Variants in CDYL2 observed in about 807,000 individuals in gnomAD.
CDYL2 encodes chromodomain Y like 2.
A neutral mutation model predicts 49.4 loss-of-function variants in CDYL2; 23 were observed. The ratio of observed to expected loss-of-function variants is 0.47; its 90% CI spans 0.34 to 0.66. The LOEUF (loss-of-function observed/expected upper bound fraction) is 0.66. Ranked by LOEUF, CDYL2 falls within the 30% of genes least tolerant of loss-of-function variation. The pLI is 0.01. For missense variants in CDYL2, 678 were observed against 656.4 expected, an observed-to-expected ratio of 1.03 and a Z score of -0.36; for synonymous variants, 360 against 268.8, an observed-to-expected ratio of 1.34 and a Z score of -3.32.
chr16:80,763,592 A>C (rs1306805253), intron 1 of CDYL2, among the ~76,000 whole-genome samples: 3 of 151,912 alleles, frequency 2.0e-5, no homozygotes, highest in Non-Finnish European at 4.4e-5. Context: ...AGCCTGGGTA[A>C]CAGAGCAAGA....
At chr16:80,692,365 A>T (rs1161727863) in intron 1 of CDYL2, among the ~76,000 whole-genome samples, 1 of 152,178 alleles carries the variant, frequency 6.6e-6, no homozygotes, top group East Asian at 1.9e-4. Flanking sequence ...AATATTCTGA[A>T]CTCAAGAATT....
At chr16:80,788,592 C>G (rs979461851) in intron 1 of CDYL2, among the ~76,000 whole-genome samples, 10 of 152,126 alleles carry the variant, frequency 6.6e-5, no homozygotes, top group African/African-American at 2.4e-4. Flanking sequence ...TATCATCTAC[C>G]AACAAAAGGA....
rs1361657202 is a variant in CDYL2 at position 80,597,918 on chromosome 16, T to A, written c.*6470A>T. ...AGCAAATGCAGACGAAGTTTCAACC[T>A]TTTTATTCAAAGCAGCTTCTCACAA... On this transcript the variant is annotated 3_prime_UTR_variant, in exon 7 of 7. Coordinates refer to ENST00000570137, the MANE Select transcript of CDYL2 (RefSeq NM_152342.4). The A allele has an allele frequency of 1.3e-5, 2 of 152,192 alleles. No individual in the cohort carries two copies. 9.4% of individuals were successfully genotyped at this position (152,192 alleles called of 1,614,324 possible).
At position 80,612,386 on chromosome 16, in the gene CDYL2, G is replaced by A. The variant is rs776235133; in HGVS notation, c.1218+240C>T. Among the ~76,000 whole-genome samples the A allele has an allele frequency of 2.0e-5, 3 of 152,178 alleles. No individual in the cohort carries two copies. The highest frequency in any genetic ancestry group is 4.1e-4 in the South Asian group (2 of 4,824). On this transcript the variant is annotated intron_variant, in intron 5 of 6. Transcript: ENST00000570137. The surrounding 1 kb of genome is among the most constrained non-coding windows in gnomAD (Gnocchi z 5.0). Reference sequence around the variant, plus strand: ...CAATCCTAAGACACGCCTTCAGGGGGTTGGAGTGAGGAATAATTGAGACGC... The same window carrying A: ...CAATCCTAAGACACGCCTTCAGGGGATTGGAGTGAGGAATAATTGAGACGC...
chr16:80,790,920 G>T (rs1907589356), intron 1 of CDYL2, among the ~76,000 whole-genome samples: 1 of 152,326 alleles, frequency 6.6e-6, no homozygotes, highest in African/African-American at 2.4e-5. Flanking sequence ...TACAGTCTCT[G>T]TCTCATGTCC....
intron 2 of CDYL2, among the ~76,000 whole-genome samples, chr16:80,660,085 C>G (rs147832536): frequency 2.6e-5 from 4 of 151,856 alleles, no homozygotes; most frequent in African/African-American, 9.7e-5. Flanking sequence ...CAATTTTATA[C>G]CCAGCTAAAG....
intron 3 of CDYL2, 21 bp downstream of exon 3, chr16:80,632,998 C>G: frequency 1.9e-6 from 3 of 1,608,144 alleles, no homozygotes; most frequent in Non-Finnish European, 1.7e-6. Context: ...CTTGCCCTTC[C>G]CTCTGGCCGC....
At chr16:80,661,332 C>A (rs1048857001) in intron 2 of CDYL2, among the ~76,000 whole-genome samples, 1 of 152,180 alleles carries the variant, frequency 6.6e-6, no homozygotes, top group Non-Finnish European at 1.5e-5. Context: ...GTGATCTACA[C>A]CTGCCCCCAC....
chr16:80,752,993 G>C (rs895121267), intron 1 of CDYL2, among the ~76,000 whole-genome samples: 1 of 152,182 alleles, frequency 6.6e-6, no homozygotes, highest in African/African-American at 2.4e-5. Context: ...ATGAACATTT[G>C]TTGTGCTAAA....
chr16:80,703,676 AG>A (rs1177158849), intron 1 of CDYL2, among the ~76,000 whole-genome samples: 1 of 152,142 alleles, frequency 6.6e-6, no homozygotes, highest in African/African-American at 2.4e-5. Flanking sequence ...CAAGTGACCC[AG>A]CCCCTCCCAG....
At chr16:80,785,994 T>G (rs898431134) in intron 1 of CDYL2, among the ~76,000 whole-genome samples, 1 of 152,192 alleles carries the variant, frequency 6.6e-6, no homozygotes, top group Non-Finnish European at 1.5e-5. Flanking sequence ...ATGTAAGACC[T>G]AGGACCATAA....
At chr16:80,699,868 A>AAT (rs1904291822) in intron 1 of CDYL2, among the ~76,000 whole-genome samples, 1 of 144,344 alleles carries the variant, frequency 6.9e-6, no homozygotes, top group African/African-American at 2.6e-5. Flanking sequence ...GACCAAAACA[A>AAT]TTTTTTTTTT....
intron 1 of CDYL2, among the ~76,000 whole-genome samples, chr16:80,698,242 C>G (rs529429341): frequency 8.0e-4 from 122 of 152,148 alleles, no homozygotes; most frequent in African/African-American, 2.8e-3. Flanking sequence ...GCAACAAAAG[C>G]AAAAACAGAC....
At chr16:80,748,506 TAAAAAAAAAAAAAAAAAAAAA>T (rs538432449) in intron 1 of CDYL2, among the ~76,000 whole-genome samples, 986 of 19,272 alleles carry the variant, frequency 0.051, 30 homozygotes, top group South Asian at 0.12. Flanking sequence ...AAAACTCCAT[TAAAAAAAAAAAAAAAAAAAAA>T]AAAAAAAAAA....
chr16:80,731,938 C>T (rs1905340693), intron 1 of CDYL2, among the ~76,000 whole-genome samples: 1 of 151,502 alleles, frequency 6.6e-6, no homozygotes, highest in South Asian at 2.1e-4. Flanking sequence ...CAAAAGATCC[C>T]CAAGCTGATG....
At chr16:80,640,281 G>C (rs1350213696) in intron 2 of CDYL2, among the ~76,000 whole-genome samples, 1 of 152,162 alleles carries the variant, frequency 6.6e-6, no homozygotes, top group Admixed American at 6.5e-5. Flanking sequence ...TAACAGCTCA[G>C]TCACAGCAGG....
At chr16:80,623,069 G>T (rs9927571) in intron 3 of CDYL2, among the ~76,000 whole-genome samples, 60,450 of 152,050 alleles carry the variant, frequency 0.4, 14,860 homozygotes, top group African/African-American at 0.69. Context: ...AGCTTCCTGC[G>T]GAGATGGTAC....
chr16:80,715,877 C>T (rs1904781547), intron 1 of CDYL2, among the ~76,000 whole-genome samples: 1 of 152,164 alleles, frequency 6.6e-6, no homozygotes, highest in African/African-American at 2.4e-5. Flanking sequence ...CCTTTCATTC[C>T]CCATCCCTCT....
In CDYL2 at chr16:80,799,657, A is replaced by C. The variant is rs541296262; in HGVS notation, c.24+4493T>G. 3.9e-5 allele frequency among the ~76,000 whole-genome samples: 6 copies of C among 152,228 alleles called. No homozygotes were observed. The East Asian group carries it at 1.2e-3, about 29-fold the overall frequency. ...GGCCAGGCTGCAAGGAGCCGTATCA[A>C]CTCCTTACTAGGACAGCTTAAGCCC... On this transcript the variant is annotated intron_variant, in intron 1 of 6. Transcript: ENST00000570137.
Sources: gnomAD v4.1 joint callset for allele counts (sites outside exome capture counted in the v4.1 genomes callset) on GRCh38, gnomAD v4.1.1 for gene constraint, Gnocchi (gnomAD v3.1) non-coding constraint, MANE v1.5 for transcripts, NCBI Gene and HGNC (gene_info 2026-07-23, HGNC 2026-07-21) for gene names.